RYR2: variants seen among roughly 807,000 people sequenced by gnomAD.
RYR2 encodes ryanodine receptor 2.
A neutral mutation model predicts 601.1 loss-of-function variants in RYR2; 227 were observed. The ratio of observed to expected loss-of-function variants is 0.38; its 90% CI spans 0.34 to 0.42. The LOEUF (loss-of-function observed/expected upper bound fraction) is 0.42, where lower values mean the gene tolerates loss of function less well. Among genes scored for constraint, RYR2 ranks in the 10% least tolerant of loss-of-function variants. The probability of loss-of-function intolerance (pLI) is 1.00; values close to 1 mark genes in which losing one functional copy is unlikely to be tolerated. For missense variants in RYR2, 4,646 were observed against 6,156.5 expected (o/e 0.75, Z 8.21); for synonymous variants, 2,223 against 2,175.1 (o/e 1.02, Z -0.61).
intron 1 of RYR2, among the ~76,000 whole-genome samples, chr1:237,246,528 C>T (rs1686857991): frequency 6.6e-6 from 1 of 152,126 alleles, no homozygotes; most frequent in Admixed American, 6.5e-5. Context: ...CCTCAAACTC[C>T]TGGGCTCAAG....
intron 14 of RYR2, among the ~76,000 whole-genome samples, chr1:237,446,882 TA>T (rs1161570315): frequency 1.3e-5 from 2 of 152,194 alleles, no homozygotes; most frequent in Non-Finnish European, 2.9e-5. Context: ...TTTCTTACAG[TA>T]AAAATTTATT....
chr1:237,710,524 ATCAC>A (rs2149073918), intron 70 of RYR2, among the ~76,000 whole-genome samples: 1 of 152,274 alleles, frequency 6.6e-6, no homozygotes, highest in Non-Finnish European at 1.5e-5. Context: ...TAAAAACATA[ATCAC>A]TCAGAAAGGA....
intron 87 of RYR2, among the ~76,000 whole-genome samples, chr1:237,775,770 GTCCT>G (rs372690824): frequency 2.0e-4 from 30 of 152,284 alleles, no homozygotes; most frequent in African/African-American, 7.2e-4. Context: ...CTTGGCACAG[GTCCT>G]TCTGGTAGTT....
At chr1:237,187,634 G>A (rs1255792902) in intron 1 of RYR2, among the ~76,000 whole-genome samples, 1 of 151,354 alleles carries the variant, frequency 6.6e-6, no homozygotes, top group African/African-American at 2.4e-5. Flanking sequence ...TGTAGATACG[G>A]TGTCTCACTA....
At chr1:237,731,595 G>T (rs1430673067) in intron 77 of RYR2, among the ~76,000 whole-genome samples, 2 of 152,018 alleles carry the variant, frequency 1.3e-5, no homozygotes, top group Non-Finnish European at 2.9e-5. Flanking sequence ...TAAAATCCAT[G>T]CAGCAAATAT....
At chr1:237,595,085 T>C (rs979279687) in intron 33 of RYR2, among the ~76,000 whole-genome samples, 1 of 151,108 alleles carries the variant, frequency 6.6e-6, no homozygotes, top group Non-Finnish European at 1.5e-5. Context: ...GCTTCTCATT[T>C]CAGAACAAGT....
intron 7 of RYR2, among the ~76,000 whole-genome samples, chr1:237,375,551 G>A (rs1700958382): frequency 6.6e-6 from 1 of 152,068 alleles, no homozygotes; most frequent in African/African-American, 2.4e-5. Flanking sequence ...CCTCTTAAAA[G>A]TATTTACCCA....
chr1:237,637,687 A>G (rs1442273758), intron 44 of RYR2, among the ~76,000 whole-genome samples: 2 of 152,234 alleles, frequency 1.3e-5, no homozygotes, highest in Admixed American at 6.5e-5. Flanking sequence ...TGCATCTCAT[A>G]TAGATCTTTT....
chr1:237,485,122 T>G (rs1196954226), intron 17 of RYR2, among the ~76,000 whole-genome samples: 1 of 152,160 alleles, frequency 6.6e-6, no homozygotes, highest in Non-Finnish European at 1.5e-5. Context: ...CTAAGAAATA[T>G]AAATTCCCTA....
chr1:237,744,800 A>ATTT (rs111625810), intron 80 of RYR2, among the ~76,000 whole-genome samples: 22 of 136,346 alleles, frequency 1.6e-4, no homozygotes, highest in African/African-American at 6.0e-4. Flanking sequence ...TTCCTTTGTA[A>ATTT]TTTTTTTTTT....
At chr1:237,804,971 G>C (rs776148976) in intron 98 of RYR2, among the ~76,000 whole-genome samples, 1 of 152,116 alleles carries the variant, frequency 6.6e-6, no homozygotes, top group Non-Finnish European at 1.5e-5. Flanking sequence ...GACATTTTTG[G>C]TTGTCATGAC....
intron 42 of RYR2, 80 bp downstream of exon 42, chr1:237,631,621 T>G (rs1332411841): frequency 3.8e-6 from 1 of 260,568 alleles, no homozygotes; most frequent in Non-Finnish European, 5.5e-6. Flanking sequence ...AGATTTTTTT[T>G]TTTTTTTTTT....
intron 29 of RYR2, among the ~76,000 whole-genome samples, chr1:237,573,820 A>C (rs1175787882): frequency 6.6e-6 from 1 of 151,694 alleles, no homozygotes; most frequent in African/African-American, 2.4e-5. Context: ...TCTGAAAAAA[A>C]ATGAAAATAA....
chr1:237,500,699 T>C lies in RYR2; in HGVS notation c.2204-12T>C, dbSNP rs753604347. ...AAATACATGACCTTCCTTAATGTTT[T>C]CCCCCCAATAGGTTGTATTGCTCGT... On this transcript the variant is annotated splice_polypyrimidine_tract_variant and intron_variant, in intron 20 of 104. Coordinates refer to ENST00000366574, the MANE Select transcript of RYR2 (RefSeq NM_001035.3). 1.3e-6 allele frequency: 2 copies of C among 1,570,976 alleles called. No individual in the cohort carries two copies. The highest frequency in any genetic ancestry group is 1.7e-6 in the Non-Finnish European group (2 of 1,156,292).
intron 55 of RYR2, 110 bp from the exon 56 acceptor site, chr1:237,660,700 C>G: frequency 1.1e-6 from 1 of 890,584 alleles, no homozygotes; most frequent in East Asian, 2.9e-5. Context: ...ATAAGCTATG[C>G]TCATCAAATT....
intron 101 of RYR2, among the ~76,000 whole-genome samples, chr1:237,820,266 C>T (rs1662324184): frequency 6.6e-6 from 1 of 151,676 alleles, no homozygotes; most frequent in African/African-American, 2.4e-5. Flanking sequence ...CAGTCTGCAG[C>T]TCCCAGTGAG....
At chr1:237,548,691 A>G (rs1670075075) in intron 26 of RYR2, 101 bp downstream of exon 26, 1 of 1,397,748 alleles carries the variant, frequency 7.2e-7, no homozygotes, top group Non-Finnish European at 9.8e-7. Flanking sequence ...AACTTGTATC[A>G]TATAGATCAC....
At chr1:237,258,155 T>A (rs1437916369) in intron 1 of RYR2, among the ~76,000 whole-genome samples, 8 of 116,964 alleles carry the variant, frequency 6.8e-5, no homozygotes, top group African/African-American at 2.7e-4. Context: ...GTGACAAAAG[T>A]AAGACTCCAT....
At position 237,788,131 on chromosome 1, in the gene RYR2, T is replaced by G; in HGVS notation, c.13472T>G (p.Leu4491Arg). 1 of 1,606,912 alleles carries G rather than the reference T, an allele frequency of 6.2e-7. No homozygotes were observed. Among genetic ancestry groups the G allele is most frequent in the Non-Finnish European group, 8.5e-7 (1 of 1,175,400 alleles). ...WKKIIAYQQK[L>R]LNYFARNFYN... ...AAAATCATAGCATATCAACAGAAACTTCTAGTAAGATGTTTTAGAATGAAT... is the reference window on the plus strand; with the variant it reads ...AAAATCATAGCATATCAACAGAAACGTCTAGTAAGATGTTTTAGAATGAAT... The change falls in exon 92 of 105, where the codon CTT (leucine) becomes CGT (arginine). Residue 4491 changes from leucine to arginine, a missense_variant. Around this residue, in one of 17 missense-constraint regions of RYR2, gnomAD observed 364 missense variants for 442.9 expected, o/e 0.82. Coordinates refer to ENST00000366574, the MANE Select transcript of RYR2 (RefSeq NM_001035.3).
Sources: allele counts gnomAD v4.1 joint callset (sites outside exome capture counted in the v4.1 genomes callset), GRCh38; gene constraint gnomAD v4.1.1; regional missense constraint gnomAD v4.1.1; transcripts MANE v1.5; gene names NCBI Gene and HGNC (gene_info 2026-07-23, HGNC 2026-07-21).